Variants in TCF4 observed in about 807,000 individuals in gnomAD.
The protein encoded by TCF4 is SL3-3 enhancer factor 2.
A neutral mutation model predicts 82.1 loss-of-function variants in TCF4; 3 were observed. The ratio of observed to expected loss-of-function variants is 0.04; its 90% CI spans 0.02 to 0.09. The LOEUF (loss-of-function observed/expected upper bound fraction) is 0.09. Among genes scored for constraint, TCF4 ranks in the 10% least tolerant of loss-of-function variants. TCF4 has a pLI of 1.00. For synonymous variants in TCF4, 276 were observed against 309.6 expected, an observed-to-expected ratio of 0.89 and a Z score of 1.14; for missense variants, 518 against 852.7, an observed-to-expected ratio of 0.61 and a Z score of 4.89.
intron 6 of TCF4, among the ~76,000 whole-genome samples, chr18:55,355,262 C>T (rs1248944387): frequency 6.6e-6 from 1 of 152,170 alleles, no homozygotes; most frequent in Non-Finnish European, 1.5e-5. Flanking sequence ...GCAAAATACA[C>T]ATTGAGTGAA....
At chr18:55,369,782 T>G (rs1281173389) in intron 6 of TCF4, among the ~76,000 whole-genome samples, 1 of 152,268 alleles carries the variant, frequency 6.6e-6, no homozygotes, top group Non-Finnish European at 1.5e-5. Flanking sequence ...ATTAAATGTT[T>G]ATAAACGTCA....
At chr18:55,432,228 A>G (rs1042139990) in intron 5 of TCF4, among the ~76,000 whole-genome samples, 5 of 152,136 alleles carry the variant, frequency 3.3e-5, no homozygotes, top group African/African-American at 1.2e-4. Context: ...ACTTGAACCC[A>G]GGAGGCGGAG....
chr18:55,249,659 T>A (rs2054406689), intron 15 of TCF4, among the ~76,000 whole-genome samples: 1 of 152,218 alleles, frequency 6.6e-6, no homozygotes, highest in South Asian at 2.1e-4. Context: ...GCACAGAACC[T>A]ACACTTGGTA....
At chr18:55,422,984 AAC>A (rs147283421) in intron 5 of TCF4, among the ~76,000 whole-genome samples, 149 of 150,324 alleles carry the variant, frequency 9.9e-4, no homozygotes, top group African/African-American at 3.2e-3. Context: ...AACACCACCA[AAC>A]ACACACACAC....
At chr18:55,411,168 T>C (rs188258938) in intron 5 of TCF4, among the ~76,000 whole-genome samples, 45 of 152,272 alleles carry the variant, frequency 3.0e-4, no homozygotes, top group African/African-American at 1.0e-3. Flanking sequence ...AAAGTACCAC[T>C]TGAACCACCA....
At chr18:55,281,042 A>G (rs2062498061) in intron 8 of TCF4, among the ~76,000 whole-genome samples, 1 of 152,194 alleles carries the variant, frequency 6.6e-6, no homozygotes, top group Admixed American at 6.5e-5. Context: ...CGCACTTCAG[A>G]AAACAGGGAT....
At chr18:55,411,733 T>C (rs1212825122) in intron 5 of TCF4, among the ~76,000 whole-genome samples, 3 of 152,038 alleles carry the variant, frequency 2.0e-5, no homozygotes, top group Non-Finnish European at 4.4e-5. Flanking sequence ...CATTCTCTCT[T>C]TTTATTTTTA....
At chr18:55,399,615 A>G (rs1458197275) in intron 6 of TCF4, among the ~76,000 whole-genome samples, 1 of 152,164 alleles carries the variant, frequency 6.6e-6, no homozygotes, top group Non-Finnish European at 1.5e-5. Flanking sequence ...ATATATTTCC[A>G]TGCCTTGAAT....
chr18:55,271,572 C>T (rs895010766), intron 10 of TCF4, among the ~76,000 whole-genome samples: 11 of 152,094 alleles, frequency 7.2e-5, no homozygotes, highest in Admixed American at 2.0e-4. Context: ...AAAAGACTTC[C>T]GTAAAAAAGT....
At chr18:55,330,381 C>T (rs915871052) in intron 8 of TCF4, among the ~76,000 whole-genome samples, 6 of 151,586 alleles carry the variant, frequency 4.0e-5, no homozygotes, top group Non-Finnish European at 5.9e-5. Context: ...GGTTTCGCTA[C>T]GTTGGCCAGG....
chr18:55,248,039 T>C lies in TCF4; in HGVS notation c.1350+6458A>G, dbSNP rs558642981. 2.4e-4 allele frequency among the ~76,000 whole-genome samples: 37 copies of C among 152,322 alleles called. No individual in the cohort carries two copies. In the South Asian group the frequency reaches 6.6e-3, roughly 27 times the overall value. The stretch of plus-strand genomic sequence containing the variant: ...TAGGGAGATTTCAGTAGAGATAATC[T>C]CTTAAATTCCCTGAGAGTCCATGGG... On this transcript the variant is annotated intron_variant, in intron 15 of 19. Transcript: ENST00000354452.
chr18:55,524,476 G>T lies in TCF4; in HGVS notation c.146-60339C>A, dbSNP rs570081351. 9.2e-5 allele frequency among the ~76,000 whole-genome samples: 14 copies of T among 152,206 alleles called. 1 individual carries two copies. In the South Asian group the frequency reaches 2.3e-3, roughly 25 times the overall value. The stretch of plus-strand genomic sequence containing the variant: ...AAAGGTATCTTGCTAATCATTTTCA[G>T]ATATTCTTCAAGTGTTCTTTTCTTT... On this transcript the variant is annotated intron_variant, in intron 3 of 19. Transcript: ENST00000354452.
At chr18:55,339,338 G>A (rs1407005046) in intron 8 of TCF4, among the ~76,000 whole-genome samples, 5 of 152,110 alleles carry the variant, frequency 3.3e-5, no homozygotes, top group Non-Finnish European at 7.3e-5. Context: ...TCCTTTTGGT[G>A]AGGAACACGG....
chr18:55,310,634 A>G (rs765657611), intron 8 of TCF4, among the ~76,000 whole-genome samples: 1 of 152,306 alleles, frequency 6.6e-6, no homozygotes, highest in East Asian at 1.9e-4. Context: ...AGTTGTGAGG[A>G]GGTAAAGGAG....
At chr18:55,386,074 T>C (rs1433513447) in intron 6 of TCF4, among the ~76,000 whole-genome samples, 3 of 152,100 alleles carry the variant, frequency 2.0e-5, no homozygotes, top group Admixed American at 6.5e-5. Context: ...CTCTCCAACA[T>C]CAACACCTAC....
intron 9 of TCF4, 101 bp from the exon 10 acceptor site, chr18:55,275,853 T>C: frequency 3.4e-6 from 5 of 1,468,060 alleles, no homozygotes; most frequent in East Asian, 4.5e-5. Context: ...TGTTGTGTTA[T>C]TCATCTTTGT....
chr18:55,357,884 T>A (rs1297449377), intron 6 of TCF4, among the ~76,000 whole-genome samples: 1 of 152,178 alleles, frequency 6.6e-6, no homozygotes, highest in Admixed American at 6.5e-5. Context: ...AACCTGTAAA[T>A]AAGGTGACAC....
intron 6 of TCF4, among the ~76,000 whole-genome samples, chr18:55,366,879 A>G (rs1180362663): frequency 1.3e-5 from 2 of 152,210 alleles, no homozygotes; most frequent in Admixed American, 6.5e-5. Context: ...ACAAATTTCC[A>G]TATTTCCATA....
intron 15 of TCF4, among the ~76,000 whole-genome samples, chr18:55,251,694 TA>T (rs1219493070): frequency 1.3e-5 from 2 of 152,034 alleles, no homozygotes; most frequent in Middle Eastern, 3.2e-3. Context: ...CTGGGATGAG[TA>T]TCAAGTTACT....
Sources: gnomAD v4.1 joint callset for allele counts (sites outside exome capture counted in the v4.1 genomes callset) on GRCh38, gnomAD v4.1.1 for gene constraint, MANE v1.5 for transcripts, NCBI Gene and HGNC (gene_info 2026-07-23, HGNC 2026-07-21) for gene names.